The following GABRB3 variants were observed in gnomAD, a reference collection of about 807,000 sequenced individuals.
GABRB3 encodes the protein gamma-aminobutyric acid receptor subunit beta-3.
Under a neutral mutation model 52.1 loss-of-function variants are expected in GABRB3, and 14 were observed. That is an observed-to-expected ratio of 0.27 (90% CI 0.18 to 0.42). The LOEUF (loss-of-function observed/expected upper bound fraction) is 0.42, where lower values mean the gene tolerates loss of function less well. Ranked by LOEUF, GABRB3 falls within the 10% of genes least tolerant of loss-of-function variation. GABRB3 has a pLI of 1.00. For missense variants in GABRB3, 307 were observed against 609.1 expected (o/e 0.50, Z 5.22); for synonymous variants, 260 against 232.3 (o/e 1.12, Z -1.08).
chr15:26,610,492 A>G (rs1428678345), intron 4 of GABRB3, among the ~76,000 whole-genome samples: 1 of 152,216 alleles, frequency 6.6e-6, no homozygotes, highest in Non-Finnish European at 1.5e-5. Context: ...ATGTATCAAC[A>G]TAGTAATGGG....
chr15:26,731,757 C>G (rs1411871895), intron 3 of GABRB3, among the ~76,000 whole-genome samples: 1 of 152,202 alleles, frequency 6.6e-6, no homozygotes, highest in Non-Finnish European at 1.5e-5. Flanking sequence ...CAGACATGCA[C>G]AGCAGAGTTG....
intron 6 of GABRB3, among the ~76,000 whole-genome samples, chr15:26,574,289 T>C (rs891906614): frequency 6.6e-6 from 1 of 152,052 alleles, no homozygotes; most frequent in African/African-American, 2.4e-5. Flanking sequence ...TATGGAGAAA[T>C]TGGAACCCTC....
Position 26,733,803 on chromosome 15 carries a change from A to G in GABRB3, c.240+38599T>C, listed in dbSNP as rs529310820. On this transcript the variant is annotated intron_variant, in intron 3 of 8. Coordinates refer to ENST00000311550, the MANE Select transcript of GABRB3 (RefSeq NM_000814.6). ...ACAGATCAGACCAGTGGAATAGAAT[A>G]GAGGCCTCAGAAATAAATGCTGGAA... 2.0e-5 allele frequency among the ~76,000 whole-genome samples: 3 copies of G among 152,266 alleles called. No homozygotes were observed. In the South Asian group the frequency reaches 6.2e-4, roughly 32 times the overall value.
intron 3 of GABRB3, among the ~76,000 whole-genome samples, chr15:26,727,188 T>C (rs1889796343): frequency 6.6e-6 from 1 of 152,140 alleles, no homozygotes; most frequent in Non-Finnish European, 1.5e-5. Context: ...TCACCAGTTT[T>C]AGCATGTACT....
At chr15:26,711,426 C>G (rs145806763) in intron 3 of GABRB3, among the ~76,000 whole-genome samples, 1 of 151,668 alleles carries the variant, frequency 6.6e-6, no homozygotes, top group East Asian at 2.0e-4. Context: ...ATTACAGCTT[C>G]GTGACGGATG....
chr15:26,574,518 T>G (rs1380300654), intron 6 of GABRB3, among the ~76,000 whole-genome samples: 1 of 152,190 alleles, frequency 6.6e-6, no homozygotes, highest in Non-Finnish European at 1.5e-5. Context: ...AGCCAAATGT[T>G]CATCAGCTGA....
intron 3 of GABRB3, among the ~76,000 whole-genome samples, chr15:26,645,958 A>T (rs1893335836): frequency 6.6e-6 from 1 of 151,538 alleles, no homozygotes; most frequent in African/African-American, 2.4e-5. Flanking sequence ...ATTTTAATAA[A>T]TTTTTGCAAT....
chr15:26,657,806 T>C (rs1474901061), intron 3 of GABRB3, among the ~76,000 whole-genome samples: 1 of 152,218 alleles, frequency 6.6e-6, no homozygotes, highest in Non-Finnish European at 1.5e-5. Flanking sequence ...AGCTCTAAGT[T>C]GCCCTTGGTT....
intron 3 of GABRB3, among the ~76,000 whole-genome samples, chr15:26,680,945 T>G (rs907871509): frequency 2.0e-5 from 3 of 152,176 alleles, no homozygotes; most frequent in Non-Finnish European, 4.4e-5. Flanking sequence ...TAAACTTGTG[T>G]CCTTCCTCTT....
Position 26,654,274 on chromosome 15 carries a change from T to G in GABRB3, c.241-32740A>C, listed in dbSNP as rs1887292915. On this transcript the variant is annotated intron_variant, in intron 3 of 8. Coordinates refer to ENST00000311550, the MANE Select transcript of GABRB3 (RefSeq NM_000814.6). ...CATTCTCCTGCCTCAGCCTCCCGAG[T>G]AGCTGGGACTACAGGCGCCCGCCAC... Among the ~76,000 whole-genome samples the G allele has an allele frequency of 3.3e-5, 5 of 152,128 alleles. No homozygotes were observed. In the South Asian group the frequency reaches 1.0e-3, roughly 32 times the overall value.
intron 4 of GABRB3, chr15:26,615,879 CAG>C (rs1892236010): frequency 1.6e-6 from 2 of 1,252,204 alleles, no homozygotes; most frequent in Non-Finnish European, 2.1e-6. Context: ...CCAGTCCAAC[CAG>C]TATTTCAAGC....
intron 4 of GABRB3, among the ~76,000 whole-genome samples, chr15:26,595,865 A>C (rs910797765): frequency 6.6e-5 from 10 of 152,192 alleles, no homozygotes; most frequent in African/African-American, 2.4e-4. Context: ...TGTCCTATGC[A>C]TTCCCTCCCT....
At chr15:26,694,681 CA>C (rs1162288198) in intron 3 of GABRB3, among the ~76,000 whole-genome samples, 1 of 151,930 alleles carries the variant, frequency 6.6e-6, no homozygotes, top group African/African-American at 2.4e-5. Flanking sequence ...CTCTAAAAAG[CA>C]AAAAACACAG....
At chr15:26,733,601 C>T (rs544122174) in intron 3 of GABRB3, among the ~76,000 whole-genome samples, 1 of 152,268 alleles carries the variant, frequency 6.6e-6, no homozygotes, top group African/African-American at 2.4e-5. Context: ...AATTCTAAAA[C>T]CCATTGATGT....
intron 3 of GABRB3, among the ~76,000 whole-genome samples, chr15:26,762,353 G>A (rs1890843963): frequency 1.3e-5 from 2 of 152,168 alleles, no homozygotes; most frequent in Admixed American, 1.3e-4. Context: ...CTTCAACGAT[G>A]TGGGCACTGT....
intron 3 of GABRB3, among the ~76,000 whole-genome samples, chr15:26,713,488 G>C (rs1209125470): frequency 6.6e-6 from 1 of 152,074 alleles, no homozygotes; most frequent in Non-Finnish European, 1.5e-5. Flanking sequence ...ACACAATGCT[G>C]GGTTCAGGAG....
At chr15:26,571,961 G>A (rs531901572) in intron 6 of GABRB3, among the ~76,000 whole-genome samples, 9 of 148,618 alleles carry the variant, frequency 6.1e-5, no homozygotes, top group African/African-American at 1.7e-4. Context: ...GCAGGAGATC[G>A]TTTGAACCTG....
At chr15:26,691,478 C>T (rs1244259286) in intron 3 of GABRB3, among the ~76,000 whole-genome samples, 2 of 152,184 alleles carry the variant, frequency 1.3e-5, no homozygotes, top group Non-Finnish European at 2.9e-5. Context: ...ACTCTGCTTC[C>T]AGGCAGCTAC....
At position 26,575,739 on chromosome 15, in the gene GABRB3, AAAG is replaced by A. The variant is rs1890570349; in HGVS notation, c.682+4577_682+4579del. ...TATTTTGAAAACTGATTTTTGAAAAAAAGAAAATTCACATATCTTAACTGAAAT... is the reference window on the plus strand; with the variant it reads ...TATTTTGAAAACTGATTTTTGAAAAAAAAATTCACATATCTTAACTGAAAT... On this transcript the variant is annotated intron_variant, in intron 6 of 8. Transcript: ENST00000311550. Among the ~76,000 whole-genome samples the A allele has an allele frequency of 2.6e-5, 4 of 152,232 alleles. No individual in the cohort carries two copies. In the South Asian group the frequency reaches 8.3e-4, roughly 32 times the overall value.
Sources: allele counts gnomAD v4.1 joint callset (sites outside exome capture counted in the v4.1 genomes callset), GRCh38; gene constraint gnomAD v4.1.1; transcripts MANE v1.5; gene names NCBI Gene and HGNC (gene_info 2026-07-23, HGNC 2026-07-21).